Variants in GAS7 observed in about 807,000 individuals in gnomAD.
The protein encoded by GAS7 is growth arrest specific 7, also known as growth arrest-specific protein 7.
Under a neutral mutation model 71.1 loss-of-function variants are expected in GAS7, and 28 were observed. The ratio of observed to expected loss-of-function variants is 0.39; its 90% CI spans 0.29 to 0.54. GAS7 has a LOEUF of 0.54. GAS7 is among the 20% of genes least tolerant of loss of function. GAS7 has a pLI of 0.62. For synonymous variants in GAS7, 258 were observed against 245.8 expected, an observed-to-expected ratio of 1.05 and a Z score of -0.46; for missense variants, 436 against 627.8, an observed-to-expected ratio of 0.69 and a Z score of 3.27.
chr17:9,973,145 A>G (rs1445002315), intron 3 of GAS7, among the ~76,000 whole-genome samples: 1 of 152,260 alleles, frequency 6.6e-6, no homozygotes, highest in African/African-American at 2.4e-5. Context: ...TGTGTGCATC[A>G]CAACAATAAA....
At chr17:10,127,213 T>TA (rs2073958355) in intron 1 of GAS7, among the ~76,000 whole-genome samples, 1 of 152,162 alleles carries the variant, frequency 6.6e-6, no homozygotes, top group East Asian at 1.9e-4. Flanking sequence ...GACAGTGAGT[T>TA]AACAGGAAGC....
chr17:10,191,048 G>A, intron 1 of GAS7, among the ~76,000 whole-genome samples: 1 of 151,948 alleles, frequency 6.6e-6, no homozygotes, highest in East Asian at 1.9e-4. Flanking sequence ...GGTGGCGCAT[G>A]CCCGTAATCC....
chr17:10,050,643 C>G (rs1027179616), intron 1 of GAS7, among the ~76,000 whole-genome samples: 1 of 152,208 alleles, frequency 6.6e-6, no homozygotes, highest in African/African-American at 2.4e-5. Flanking sequence ...AGGCCCAGCT[C>G]TCTTCTCCTG....
At chr17:10,028,429 C>T (rs956234016) in intron 1 of GAS7, among the ~76,000 whole-genome samples, 3 of 152,116 alleles carry the variant, frequency 2.0e-5, no homozygotes, top group South Asian at 2.1e-4. Flanking sequence ...TTTGTAAGAG[C>T]TGCACAAATG....
chr17:10,140,656 T>C (rs1424466638), intron 1 of GAS7, among the ~76,000 whole-genome samples: 3 of 152,174 alleles, frequency 2.0e-5, no homozygotes, highest in Non-Finnish European at 2.9e-5. Context: ...CTGTTTCTCC[T>C]ACTCATTCTG....
rs773198846 is a variant in GAS7 at position 9,969,721 on chromosome 17, C to T, written c.427G>A (p.Glu143Lys). ...TTTCGGACACTCATGTGGGCAGTCT[C>T]TGGAGGGTGCGCTGGGGTCCCTGAT... ...HASGTPAHPP[E>K]TAHMSVRKST... is the part of the protein sequence containing the mutation. Residue 143 changes from glutamate (E) to lysine (K), a missense_variant, in exon 4 of 14, where the codon GAG (glutamate) becomes AAG (lysine). Glu to Lys is a moderately conservative substitution (Grantham distance 56, BLOSUM62 1). Coordinates refer to ENST00000432992, the MANE Select transcript of GAS7 (RefSeq NM_201433.2). This position sits in a 1 kb window ranked among gnomAD's most constrained non-coding sequence, Gnocchi z 5.5. 8 of 1,613,144 alleles carry T rather than the reference C, an allele frequency of 5.0e-6. No individual in the cohort carries two copies. Among genetic ancestry groups the T allele is most frequent in the African/African-American group, 1.3e-5 (1 of 74,922 alleles).
At chr17:9,962,285 A>G (rs1290581634) in intron 4 of GAS7, among the ~76,000 whole-genome samples, 1 of 149,964 alleles carries the variant, frequency 6.7e-6, no homozygotes, top group African/African-American at 2.5e-5. Flanking sequence ...ACACACTATC[A>G]TAATTCTCCA....
chr17:10,064,360 G>A (rs946519094), intron 1 of GAS7, among the ~76,000 whole-genome samples: 2 of 152,204 alleles, frequency 1.3e-5, no homozygotes, highest in African/African-American at 4.8e-5. Context: ...GCATCTGTAT[G>A]CTGTGTGGGC....
In GAS7 at chr17:9,913,718, C is replaced by T; in HGVS notation, c.*3510G>A. The T allele has an allele frequency of 4.3e-6, 1 of 231,992 alleles. No homozygotes were observed. The highest frequency in any genetic ancestry group is 8.5e-6 in the Non-Finnish European group (1 of 117,260). The allele number at this position is 231,992 out of a possible 1,614,324, so 14.4% of individuals were successfully genotyped here. ...TCTCAGGGCCGCCATCCCCACGGTC[C>T]AAGGGGCCTATGTGTTGCCACTGAC... On this transcript the variant is annotated 3_prime_UTR_variant, in exon 14 of 14. Coordinates refer to ENST00000432992, the MANE Select transcript of GAS7 (RefSeq NM_201433.2).
At chr17:10,097,873 G>A (rs1046448758) in intron 1 of GAS7, among the ~76,000 whole-genome samples, 2 of 151,894 alleles carry the variant, frequency 1.3e-5, no homozygotes, top group Non-Finnish European at 2.9e-5. Context: ...GCGAAACCCC[G>A]TCTCTACTAA....
intron 1 of GAS7, among the ~76,000 whole-genome samples, chr17:10,186,651 C>T (rs1468322644): frequency 6.6e-6 from 1 of 152,128 alleles, no homozygotes; most frequent in African/African-American, 2.4e-5. Context: ...GATAATCCAC[C>T]CACCTCAGCC....
At chr17:10,149,059 G>A (rs561812557) in intron 1 of GAS7, among the ~76,000 whole-genome samples, 1 of 152,214 alleles carries the variant, frequency 6.6e-6, no homozygotes, top group Middle Eastern at 3.4e-3. Context: ...AGCCTAAATA[G>A]AAGAGGATCC....
At chr17:9,963,709 G>A (rs1311252862) in intron 4 of GAS7, among the ~76,000 whole-genome samples, 1 of 151,922 alleles carries the variant, frequency 6.6e-6, no homozygotes, top group East Asian at 1.9e-4. Flanking sequence ...TGTAGCCTGA[G>A]GTACAGAACA....
At chr17:10,018,195 T>G (rs1490472305) in intron 2 of GAS7, among the ~76,000 whole-genome samples, 1 of 152,246 alleles carries the variant, frequency 6.6e-6, no homozygotes, top group Non-Finnish European at 1.5e-5. Context: ...CCGGGGATTA[T>G]TTTTTATTTG....
intron 11 of GAS7, among the ~76,000 whole-genome samples, chr17:9,920,566 T>C (rs1024432713): frequency 6.6e-6 from 1 of 152,210 alleles, no homozygotes; most frequent in African/African-American, 2.4e-5. Flanking sequence ...CAGTGGCACT[T>C]GTATGCCCTG....
At chr17:10,174,795 C>T (rs930495882) in intron 1 of GAS7, among the ~76,000 whole-genome samples, 1 of 152,170 alleles carries the variant, frequency 6.6e-6, no homozygotes, top group African/African-American at 2.4e-5. Context: ...CCAAAAGACA[C>T]GTGCCAGTGC....
At chr17:9,929,498 G>T (rs144216359) in intron 9 of GAS7, among the ~76,000 whole-genome samples, 1 of 151,804 alleles carries the variant, frequency 6.6e-6, no homozygotes, top group African/African-American at 2.4e-5. Flanking sequence ...TTTTTGAGAC[G>T]GAGTCTCACT....
intron 1 of GAS7, among the ~76,000 whole-genome samples, chr17:10,042,336 A>G (rs1597740535): frequency 6.6e-6 from 1 of 151,496 alleles, no homozygotes; most frequent in East Asian, 1.9e-4. Context: ...AAGAAAACAC[A>G]TCTGGGTAGG....
intron 1 of GAS7, among the ~76,000 whole-genome samples, chr17:10,106,185 C>T (rs1326789828): frequency 6.6e-6 from 1 of 152,196 alleles, no homozygotes; most frequent in Non-Finnish European, 1.5e-5. Context: ...ATGCGTATTC[C>T]TACCTCGGTG....
Sources: gnomAD v4.1 joint callset for allele counts (sites outside exome capture counted in the v4.1 genomes callset) on GRCh38, gnomAD v4.1.1 for gene constraint, Gnocchi (gnomAD v3.1) non-coding constraint, MANE v1.5 for transcripts, NCBI Gene and HGNC (gene_info 2026-07-23, HGNC 2026-07-21) for gene names.